Variants in LRP1B observed in about 807,000 individuals in gnomAD.
The protein encoded by LRP1B is low-density lipoprotein receptor-related protein 1B.
Under a neutral mutation model 556.6 loss-of-function variants are expected in LRP1B, and 217 were observed. That is an observed-to-expected ratio of 0.39 (90% CI 0.35 to 0.44). The LOEUF (loss-of-function observed/expected upper bound fraction) is 0.44. Ranked by LOEUF, LRP1B falls within the 20% of genes least tolerant of loss-of-function variation. The pLI is 1.00. For missense variants in LRP1B, 5,053 were observed against 5,620.8 expected, an observed-to-expected ratio of 0.90 and a Z score of 3.23; for synonymous variants, 2,047 against 1,865.8, an observed-to-expected ratio of 1.10 and a Z score of -2.50.
intron 41 of LRP1B, among the ~76,000 whole-genome samples, chr2:140,604,443 C>A (rs1443769827): frequency 6.6e-6 from 1 of 152,010 alleles, no homozygotes. Context: ...GAAATTGATT[C>A]TAATAGCTTG....
chr2:140,787,011 T>C (rs563017920), intron 32 of LRP1B, among the ~76,000 whole-genome samples: 1 of 152,294 alleles, frequency 6.6e-6, no homozygotes, highest in African/African-American at 2.4e-5. Flanking sequence ...TTACCTACAA[T>C]TATTTTCATT....
intron 1 of LRP1B, among the ~76,000 whole-genome samples, chr2:142,055,500 A>G (rs1704636142): frequency 6.6e-6 from 1 of 152,188 alleles, no homozygotes; most frequent in Non-Finnish European, 1.5e-5. Context: ...TAATTGAAGC[A>G]TAATTGTTTA....
chr2:141,200,371 C>T (rs1479178895), intron 6 of LRP1B, among the ~76,000 whole-genome samples: 1 of 152,038 alleles, frequency 6.6e-6, no homozygotes, highest in African/African-American at 2.4e-5. Flanking sequence ...GGGAACAATG[C>T]ACTGAGGCCT....
chr2:140,575,083 C>T (rs1447323648), intron 43 of LRP1B, among the ~76,000 whole-genome samples: 1 of 152,124 alleles, frequency 6.6e-6, no homozygotes, highest in Non-Finnish European at 1.5e-5. Context: ...ATACATTTCG[C>T]CCTGGGGATG....
At chr2:140,585,654 T>C (rs1359150924) in intron 43 of LRP1B, among the ~76,000 whole-genome samples, 2 of 152,174 alleles carry the variant, frequency 1.3e-5, no homozygotes. Flanking sequence ...ACTGAAACAA[T>C]GTTATCTAAC....
At chr2:140,705,416 T>C (rs935753907) in intron 37 of LRP1B, among the ~76,000 whole-genome samples, 2 of 149,802 alleles carry the variant, frequency 1.3e-5, no homozygotes, top group Non-Finnish European at 3.0e-5. Flanking sequence ...CCCAGCTACC[T>C]GGGAGGCTGA....
chr2:140,750,538 T>A (rs1415761922), intron 35 of LRP1B, among the ~76,000 whole-genome samples: 1 of 152,226 alleles, frequency 6.6e-6, no homozygotes, highest in Non-Finnish European at 1.5e-5. Flanking sequence ...AGTAAGTAGA[T>A]GACTTTCCAG....
chr2:140,993,606 T>C (rs1359059503), intron 16 of LRP1B, among the ~76,000 whole-genome samples: 1 of 151,904 alleles, frequency 6.6e-6, no homozygotes, highest in African/African-American at 2.4e-5. Context: ...AGCAGTGGAG[T>C]GGATCGTGAC....
chr2:141,715,249 C>T (rs753179759), intron 2 of LRP1B, among the ~76,000 whole-genome samples: 1 of 152,108 alleles, frequency 6.6e-6, no homozygotes, highest in Admixed American at 6.5e-5. Flanking sequence ...GGGAAGATCA[C>T]TTGAGCCCAG....
chr2:140,950,848 A>G (rs1283216862), intron 19 of LRP1B, among the ~76,000 whole-genome samples: 1 of 151,824 alleles, frequency 6.6e-6, no homozygotes, highest in Admixed American at 6.6e-5. Flanking sequence ...TGAAAAATGA[A>G]TGATAATTGA....
chr2:142,107,085 G>A (rs1706772212), intron 1 of LRP1B, among the ~76,000 whole-genome samples: 1 of 152,078 alleles, frequency 6.6e-6, no homozygotes, highest in African/African-American at 2.4e-5. Context: ...GTTTAATTCT[G>A]TGAGATGAGA....
intron 2 of LRP1B, among the ~76,000 whole-genome samples, chr2:141,572,628 A>C (rs931151700): frequency 1.3e-5 from 2 of 152,244 alleles, no homozygotes; most frequent in Admixed American, 6.5e-5. Context: ...TAAAAGACAC[A>C]GACTGGCAAA....
At chr2:140,579,317 T>C (rs1462178804) in intron 43 of LRP1B, among the ~76,000 whole-genome samples, 1 of 151,652 alleles carries the variant, frequency 6.6e-6, no homozygotes. Flanking sequence ...ATCAGTAGCT[T>C]TTTTTTTAGC....
intron 27 of LRP1B, among the ~76,000 whole-genome samples, chr2:140,856,352 G>A (rs540774630): frequency 2.1e-3 from 327 of 152,202 alleles, no homozygotes; most frequent in African/African-American, 7.0e-3. Context: ...CTTTCATCAC[G>A]AAATATTGGT....
At chr2:141,030,927 T>G (rs966499567) in intron 11 of LRP1B, among the ~76,000 whole-genome samples, 5 of 151,978 alleles carry the variant, frequency 3.3e-5, no homozygotes, top group Non-Finnish European at 7.4e-5. Context: ...ATACACAATA[T>G]TGTTTTTCTT....
chr2:140,736,068 G>A (rs571332752), intron 35 of LRP1B, among the ~76,000 whole-genome samples: 1 of 152,260 alleles, frequency 6.6e-6, no homozygotes, highest in South Asian at 2.1e-4. Context: ...TAAACACATG[G>A]AGAAACTATG....
At chr2:142,117,002 T>G (rs1361685590) in intron 1 of LRP1B, among the ~76,000 whole-genome samples, 2 of 152,146 alleles carry the variant, frequency 1.3e-5, no homozygotes, top group Non-Finnish European at 2.9e-5. Context: ...TCTGCTCCCT[T>G]TTTTTCTTTT....
intron 21 of LRP1B, among the ~76,000 whole-genome samples, chr2:140,910,541 G>T (rs985540884): frequency 6.6e-6 from 1 of 151,364 alleles, no homozygotes. Context: ...CAATAAGCCA[G>T]AAAAAAACAT....
rs564960036 is a variant in LRP1B at position 140,917,011 on chromosome 2, G to A, written c.3319+5954C>T. 4.1e-4 allele frequency among the ~76,000 whole-genome samples: 62 copies of A among 152,256 alleles called. No individual in the cohort carries two copies. In the Middle Eastern group the frequency reaches 0.01, roughly 25 times the overall value. ...ACAGAAATATCATGTTTGCACCTAA[G>A]TGTCCTATTCTGGCCTATTTAGGTT... On this transcript the variant is annotated intron_variant, in intron 21 of 90. Coordinates refer to ENST00000389484, the MANE Select transcript of LRP1B (RefSeq NM_018557.3).
Sources: allele counts gnomAD v4.1 joint callset (sites outside exome capture counted in the v4.1 genomes callset), GRCh38; gene constraint gnomAD v4.1.1; transcripts MANE v1.5; gene names NCBI Gene and HGNC (gene_info 2026-07-23, HGNC 2026-07-21).